The following SRGAP2 variants were observed in gnomAD, a reference collection of about 807,000 sequenced individuals.
The protein encoded by SRGAP2 is SLIT-ROBO Rho GTPase activating protein 2.
A neutral mutation model predicts 57.2 loss-of-function variants in SRGAP2; 15 were observed. The observed-to-expected ratio is 0.26, with a 90% CI of 0.18 to 0.40. The LOEUF (loss-of-function observed/expected upper bound fraction) is 0.40, where lower values mean the gene tolerates loss of function less well. Among genes scored for constraint, SRGAP2 ranks in the 10% least tolerant of loss-of-function variants. The pLI, the probability that SRGAP2 is intolerant of heterozygous loss-of-function variation, is 1.00. For missense variants in SRGAP2, 520 were observed against 669.6 expected (o/e 0.78, Z 2.47); for synonymous variants, 249 against 248.0 (o/e 1.00, Z -0.04).
rs1401859494 is a variant in SRGAP2 at position 206,289,186 on chromosome 1, C to T, written c.68-14095C>T. ...CCAATTTTGTTTTATCTGTATCCCTCACCCATTCCCACTCTCCTCCATTAC... is the reference window on the plus strand; with the variant it reads ...CCAATTTTGTTTTATCTGTATCCCTTACCCATTCCCACTCTCCTCCATTAC... On this transcript the variant is annotated intron_variant, in intron 2 of 22. Coordinates refer to ENST00000573034, the MANE Select transcript of SRGAP2 (RefSeq NM_015326.5). 2.2e-3 allele frequency among the ~76,000 whole-genome samples: 316 copies of T among 140,654 alleles called. 1 individual carries two copies. Among genetic ancestry groups the T allele is most frequent in the African/African-American group, 8.0e-3 (299 of 37,524 alleles). The allele number at this position is 140,654 out of a possible 152,430, so 92.3% of individuals were successfully genotyped here.
At chr1:206,347,870 T>C (rs1448952144) in intron 4 of SRGAP2, among the ~76,000 whole-genome samples, 1 of 151,168 alleles carries the variant, frequency 6.6e-6, no homozygotes, top group African/African-American at 2.5e-5. Context: ...GGCAAGCAGC[T>C]GGAAGTTGGG....
intron 2 of SRGAP2, among the ~76,000 whole-genome samples, chr1:206,226,447 A>C (rs1196452852): frequency 6.6e-6 from 1 of 151,630 alleles, no homozygotes; most frequent in Non-Finnish European, 1.5e-5. Context: ...AAAAAAGACC[A>C]CTCAGCTGGA....
At chr1:206,415,324 C>T (rs1200285154) in intron 10 of SRGAP2, among the ~76,000 whole-genome samples, 4 of 152,210 alleles carry the variant, frequency 2.6e-5, no homozygotes, top group African/African-American at 9.7e-5. Flanking sequence ...TCAGCCCCTT[C>T]CGCTGAGTGC....
At chr1:206,420,098 G>A (rs1333073870) in intron 12 of SRGAP2, among the ~76,000 whole-genome samples, 5 of 152,144 alleles carry the variant, frequency 3.3e-5, no homozygotes, top group African/African-American at 1.2e-4. Flanking sequence ...GAAATGTGCT[G>A]ATTTAACTAG....
intron 13 of SRGAP2, among the ~76,000 whole-genome samples, chr1:206,426,617 T>C (rs1394444446): frequency 6.6e-6 from 1 of 152,254 alleles, no homozygotes; most frequent in Non-Finnish European, 1.5e-5. Context: ...CATTCCCCTT[T>C]CTCTGCATCC....
At chr1:206,427,025 C>T (rs1396508459) in intron 13 of SRGAP2, among the ~76,000 whole-genome samples, 1 of 151,872 alleles carries the variant, frequency 6.6e-6, no homozygotes, top group East Asian at 1.9e-4. Context: ...AGGTCTTACT[C>T]AAAAAATCTT....
intron 4 of SRGAP2, among the ~76,000 whole-genome samples, chr1:206,377,444 G>A (rs74567098): frequency 6.8e-6 from 1 of 147,374 alleles, no homozygotes; most frequent in Non-Finnish European, 1.5e-5. Flanking sequence ...CAAAGAAAAA[G>A]AATTTACTAT....
intron 7 of SRGAP2, among the ~76,000 whole-genome samples, chr1:206,395,585 T>A (rs1157603295): frequency 3.3e-5 from 5 of 150,912 alleles, no homozygotes; most frequent in Non-Finnish European, 7.4e-5. Flanking sequence ...GCTATTTATC[T>A]CGCATTTGGT....
chr1:206,413,991 A>G lies in SRGAP2; in HGVS notation c.1357-1898A>G, dbSNP rs549355680. ...CACACTGTACAGAAAAGTATAGAGT[A>G]AAAGTAACTCACATTTGTTCACTTT... On this transcript the variant is annotated intron_variant, in intron 10 of 22. Coordinates refer to ENST00000573034, the MANE Select transcript of SRGAP2 (RefSeq NM_015326.5). Among the ~76,000 whole-genome samples the G allele has an allele frequency of 5.9e-5, 9 of 152,216 alleles. No homozygotes were observed. The East Asian group carries it at 1.5e-3, about 26-fold the overall frequency.
chr1:206,440,561 T>G lies in SRGAP2; in HGVS notation c.1874+480T>G, dbSNP rs149968288. On this transcript the variant is annotated intron_variant, in intron 17 of 22. Transcript: ENST00000573034. Reference sequence around the variant, plus strand: ...AGCAATTAGAAGATTTTCTTTTTTTTTTTTTGAGACGGAGTCTTGCTCTGT... The same window carrying G: ...AGCAATTAGAAGATTTTCTTTTTTTGTTTTTGAGACGGAGTCTTGCTCTGT... 6.6e-5 allele frequency among the ~76,000 whole-genome samples: 10 copies of G among 152,214 alleles called. No individual in the cohort carries two copies. In the East Asian group the frequency reaches 1.9e-3, roughly 29 times the overall value.
intron 4 of SRGAP2, among the ~76,000 whole-genome samples, chr1:206,371,693 T>C (rs1413151770): frequency 6.8e-6 from 1 of 147,916 alleles, no homozygotes; most frequent in African/African-American, 2.5e-5. Flanking sequence ...ATCATGCCAC[T>C]ACACTCCAGC....
intron 3 of SRGAP2, among the ~76,000 whole-genome samples, chr1:206,326,377 A>G (rs1459572560): frequency 6.6e-6 from 1 of 151,446 alleles, no homozygotes; most frequent in Non-Finnish European, 1.5e-5. Flanking sequence ...GTGTGTCAAC[A>G]TGCTTTCAGG....
chr1:206,346,718 T>G (rs1239697548), intron 4 of SRGAP2, among the ~76,000 whole-genome samples: 1 of 152,178 alleles, frequency 6.6e-6, no homozygotes, highest in Non-Finnish European at 1.5e-5. Context: ...AATTTGGGTC[T>G]GTTTGTCACT....
intron 3 of SRGAP2, among the ~76,000 whole-genome samples, chr1:206,315,988 A>G (rs1408188083): frequency 1.4e-5 from 2 of 143,250 alleles, no homozygotes; most frequent in Non-Finnish European, 3.0e-5. Context: ...AATTATCAGG[A>G]AAAGTCAATC....
chr1:206,226,585 A>G (rs1182729966), intron 2 of SRGAP2, among the ~76,000 whole-genome samples: 1 of 152,170 alleles, frequency 6.6e-6, no homozygotes, highest in African/African-American at 2.4e-5. Context: ...TCCTACATCT[A>G]GGAGTTGCTG....
At chr1:206,304,427 C>T (rs1485454816) in intron 3 of SRGAP2, among the ~76,000 whole-genome samples, 2 of 135,842 alleles carry the variant, frequency 1.5e-5, no homozygotes, top group East Asian at 2.1e-4. Flanking sequence ...TTTTGGTCTC[C>T]CTGGGCCACA....
At chr1:206,448,219 A>G (rs79989852) in intron 18 of SRGAP2, among the ~76,000 whole-genome samples, 1,887 of 152,274 alleles carry the variant, frequency 0.012, 22 homozygotes, top group South Asian at 0.026. Context: ...ATGGAGAATG[A>G]TCAGGAGACC....
chr1:206,375,601 A>C (rs578249727), intron 4 of SRGAP2, among the ~76,000 whole-genome samples: 5 of 152,216 alleles, frequency 3.3e-5, no homozygotes, highest in Admixed American at 6.5e-5. Context: ...ATTCAAAGAG[A>C]TTGGAACAAC....
At chr1:206,338,916 T>C (rs1479424802) in intron 3 of SRGAP2, among the ~76,000 whole-genome samples, 5 of 151,124 alleles carry the variant, frequency 3.3e-5, no homozygotes, top group South Asian at 2.1e-4. Flanking sequence ...AGAGTACTTA[T>C]TATACTGTCA....
Sources: allele counts gnomAD v4.1 joint callset (sites outside exome capture counted in the v4.1 genomes callset), GRCh38; gene constraint gnomAD v4.1.1; transcripts MANE v1.5; gene names NCBI Gene and HGNC (gene_info 2026-07-23, HGNC 2026-07-21).